LETM1: variants seen among roughly 807,000 people sequenced by gnomAD.
LETM1 encodes the protein mitochondrial proton/calcium exchanger protein.
LETM1 carries 50 observed loss-of-function variants against 74.5 expected under a neutral mutation model. The observed-to-expected ratio is 0.67, with a 90% CI of 0.53 to 0.85. LETM1 has a LOEUF of 0.85. Among genes scored for constraint, LETM1 ranks in the 40% least tolerant of loss-of-function variants. The pLI is 0.00. For synonymous variants in LETM1, 446 were observed against 407.1 expected (o/e 1.10, Z -1.15); for missense variants, 824 against 967.8 (o/e 0.85, Z 1.97).
chr4:1,843,242 T>C (rs572820543), intron 2 of LETM1: 1 of 153,184 alleles, frequency 6.5e-6, no homozygotes, highest in East Asian at 1.9e-4. Flanking sequence ...ACCAGGACGG[T>C]ACCTGCAACA....
chr4:1,845,550 C>CTTTTTTTTTTTT (rs756401146), intron 2 of LETM1, among the ~76,000 whole-genome samples: 2 of 130,264 alleles, frequency 1.5e-5, no homozygotes, highest in African/African-American at 2.8e-5. Flanking sequence ...TTTTTTTTTT[C>CTTTTTTTTTTTT]TTTTTTTTTT....
chr4:1,833,462 T>G (rs1313596847), intron 5 of LETM1: 1 of 171,470 alleles, frequency 5.8e-6, no homozygotes, highest in Non-Finnish European at 1.3e-5. Flanking sequence ...CACAGGCTGC[T>G]GCATGCAGGT....
At chr4:1,840,600 G>A (rs1577323225) in intron 3 of LETM1, among the ~76,000 whole-genome samples, 1 of 152,022 alleles carries the variant, frequency 6.6e-6, no homozygotes, top group East Asian at 1.9e-4. Context: ...CCCGGGGGGC[G>A]GAGCCTGCAG....
At position 1,836,506 on chromosome 4, in the gene LETM1, T is replaced by C. The variant is rs1333402477; in HGVS notation, c.661A>G (p.Met221Val). The part of the protein sequence containing the change: ...PFLVFVVVPF[M>V]EFLLPVAVKL... The stretch of plus-strand genomic sequence containing the variant: ...ACAGCAACAGGCAGCAGAAACTCCA[T>C]GAACGGCACCACCACGAACACAAGG... The change falls in exon 4 of 14, where the codon ATG becomes GTG. Residue 221 changes from methionine (M) to valine (V), a missense_variant. Physicochemically the swap from Met to Val is conservative, Grantham distance 21. Transcript: ENST00000302787. This position sits in a 1 kb window ranked among gnomAD's most constrained non-coding sequence, Gnocchi z 5.8. 6.2e-7 allele frequency: 1 copy of C among 1,613,662 alleles called. No homozygotes were observed. Among genetic ancestry groups the C allele is most frequent in the Non-Finnish European group, 8.5e-7 (1 of 1,179,962 alleles).
chr4:1,832,608 G>A (rs1161874615), intron 6 of LETM1, 136 bp downstream of exon 6: 3 of 753,538 alleles, frequency 4.0e-6, no homozygotes. Flanking sequence ...TCTGCAAGTG[G>A]CAAGACTCCT....
intron 3 of LETM1, 66 bp downstream of exon 3, chr4:1,841,281 C>T: frequency 1.4e-6 from 2 of 1,465,888 alleles, no homozygotes; most frequent in South Asian, 1.3e-5. Context: ...GGAAATTGCG[C>T]CACTGCACTC....
chr4:1,831,221 T>A (rs1712257441), intron 6 of LETM1, among the ~76,000 whole-genome samples: 1 of 152,212 alleles, frequency 6.6e-6, no homozygotes, highest in African/African-American at 2.4e-5. Flanking sequence ...CTCCATGTTG[T>A]CACTCACTCA....
chr4:1,822,404 C>T, intron 9 of LETM1, 92 bp from the exon 10 acceptor site: 3 of 1,293,500 alleles, frequency 2.3e-6, no homozygotes, highest in South Asian at 2.3e-5. Flanking sequence ...GCAGAGGCCA[C>T]ACTGGGAGCA....
intron 10 of LETM1, among the ~76,000 whole-genome samples, chr4:1,820,615 C>G (rs1184420758): frequency 1.3e-5 from 2 of 152,332 alleles, no homozygotes; most frequent in South Asian, 4.1e-4. Context: ...CCTGCATGTG[C>G]AGGACATCTG....
chr4:1,836,405 A>G lies in LETM1; in HGVS notation c.738+24T>C. ...ATGAATTTCAGACTCATTCTAAAAC[A>G]AGCAGTTGGGATGCTGCCCTTACCT... On this transcript the variant is annotated intron_variant, in intron 4 of 13. Transcript: ENST00000302787. The surrounding 1 kb of genome is among the most constrained non-coding windows in gnomAD (Gnocchi z 5.8). 6.2e-7 allele frequency: 1 copy of G among 1,612,610 alleles called. No individual in the cohort carries two copies. Among genetic ancestry groups the G allele is most frequent in the Non-Finnish European group, 8.5e-7 (1 of 1,178,912 alleles).
Position 1,819,423 on chromosome 4 carries a change from G to C in LETM1, c.1658C>G (p.Ser553Cys), listed in dbSNP as rs201787334. 1.9e-6 allele frequency: 3 copies of C among 1,613,790 alleles called. No individual in the cohort carries two copies. Among genetic ancestry groups the C allele is most frequent in the Admixed American group, 1.7e-5 (1 of 59,950 alleles). Residue 553 changes from serine to cysteine, a missense_variant, in exon 11 of 14, where the codon TCT becomes TGT. Ser to Cys is a moderately radical substitution (Grantham distance 112). This residue lies in a region of LETM1 where 161 missense variants were observed against 252.7 expected (regional missense o/e 0.64). Coordinates refer to ENST00000302787, the MANE Select transcript of LETM1 (RefSeq NM_012318.3). Reference sequence around the variant, plus strand: ...TGACTTCTTCTGCTCCTGCAGCTTAGAGCAGGCATCGCTGAGGATGTCGAT... The same window carrying C: ...TGACTTCTTCTGCTCCTGCAGCTTACAGCAGGCATCGCTGAGGATGTCGAT... ...EEIDILSDAC[S>C]KLQEQKKSLT...
In LETM1 at chr4:1,841,506, T is replaced by G; in HGVS notation, c.435A>C (p.Ala145=). Residue 145 remains alanine, a synonymous_variant, in exon 3 of 14, where the codon GCA becomes GCC. Coordinates refer to ENST00000302787, the MANE Select transcript of LETM1 (RefSeq NM_012318.3). ...EEGGPVYSPP[A]EVVVKKSLGQ... ...CCAGGGACTTCTTCACCACCACCTC[T>G]GCGGGGGGGCTGTACACCGGGCCGC... 1 of 1,614,210 alleles carries G rather than the reference T, an allele frequency of 6.2e-7. No individual in the cohort carries two copies.
chr4:1,855,779 G>A (rs894820013), intron 1 of LETM1, 90 bp downstream of exon 1: 1 of 810,568 alleles, frequency 1.2e-6, no homozygotes, highest in Non-Finnish European at 1.6e-6. Flanking sequence ...TCCCCGCATC[G>A]CCGTGACAAC....
At chr4:1,818,872 A>C (rs1224545022) in intron 11 of LETM1, among the ~76,000 whole-genome samples, 3 of 152,058 alleles carry the variant, frequency 2.0e-5, no homozygotes, top group Non-Finnish European at 2.9e-5. Context: ...ACCTGGGGCC[A>C]GGAGTTCGAG....
At chr4:1,847,653 C>A (rs1457851550) in intron 2 of LETM1, among the ~76,000 whole-genome samples, 2 of 151,952 alleles carry the variant, frequency 1.3e-5, no homozygotes, top group Non-Finnish European at 2.9e-5. Context: ...AAATTTTGTA[C>A]TTTTGTACTA....
In LETM1 at chr4:1,823,090, C is replaced by T. The variant is rs1294444879; in HGVS notation, c.1374G>A (p.Glu458=). The T allele has an allele frequency of 6.2e-7, 1 of 1,609,432 alleles. No individual in the cohort carries two copies. The highest frequency in any genetic ancestry group is 1.1e-5 in the South Asian group (1 of 90,646). The change falls in exon 9 of 14, where the codon GAG becomes GAA. Residue 458 remains glutamate (E), a synonymous_variant. Coordinates refer to ENST00000302787, the MANE Select transcript of LETM1 (RefSeq NM_012318.3). ...CCAGCTTGGCCTTGTTGTCCACCTG[C>T]TCGCCCTCCACCTCGGCCACTTTCA... ...AQVKVAEVEG[E]QVDNKAKLEA...
At chr4:1,846,172 G>A (rs1222473075) in intron 2 of LETM1, among the ~76,000 whole-genome samples, 1 of 152,022 alleles carries the variant, frequency 6.6e-6, no homozygotes, top group African/African-American at 2.4e-5. Flanking sequence ...CATAATTCTT[G>A]ATAAGTAGAC....
intron 10 of LETM1, among the ~76,000 whole-genome samples, chr4:1,821,069 T>C (rs1218174640): frequency 2.0e-5 from 3 of 151,914 alleles, no homozygotes; most frequent in Non-Finnish European, 4.4e-5. Flanking sequence ...ACAAATCCCA[T>C]GTGATCATGA....
At chr4:1,850,933 C>T (rs972887193) in intron 1 of LETM1, among the ~76,000 whole-genome samples, 1 of 141,396 alleles carries the variant, frequency 7.1e-6, no homozygotes, top group Non-Finnish European at 1.5e-5. Context: ...CGCGCCATTG[C>T]ACTCAAAAAA....
Sources: gnomAD v4.1 joint callset for allele counts (sites outside exome capture counted in the v4.1 genomes callset) on GRCh38, gnomAD v4.1.1 for gene constraint, gnomAD v4.1.1 regional missense constraint, Gnocchi (gnomAD v3.1) non-coding constraint, MANE v1.5 for transcripts, NCBI Gene and HGNC (gene_info 2026-07-23, HGNC 2026-07-21) for gene names.